The following EEF1AKMT1 variants were observed in gnomAD, a reference collection of about 807,000 sequenced individuals.
EEF1AKMT1 encodes N-6 adenine-specific DNA methyltransferase 2 (putative).
EEF1AKMT1 carries 18 observed loss-of-function variants against 21.0 expected under a neutral mutation model. That is an observed-to-expected ratio of 0.86 (90% CI 0.59 to 1.27). EEF1AKMT1 has a LOEUF of 1.27. Ranked by LOEUF, EEF1AKMT1 falls within the 50% of genes most tolerant of loss-of-function variation. The pLI, the probability that EEF1AKMT1 is intolerant of heterozygous loss-of-function variation, is 0.00. For synonymous variants in EEF1AKMT1, 109 were observed against 94.8 expected (o/e 1.15, Z -0.87); for missense variants, 246 against 258.6 (o/e 0.95, Z 0.33).
intron 1 of EEF1AKMT1, among the ~76,000 whole-genome samples, chr13:20,766,298 CAAA>C (rs35866979): frequency 2.6e-5 from 2 of 76,748 alleles, no homozygotes; most frequent in Non-Finnish European, 2.3e-5. Flanking sequence ...GACTCCATCT[CAAA>C]AAAAAAAAAA....
At chr13:20,737,695 T>C (rs759110701) in intron 3 of EEF1AKMT1, 28 bp downstream of exon 3, 8 of 1,584,256 alleles carry the variant, frequency 5.0e-6, no homozygotes, top group Admixed American at 3.4e-5. Flanking sequence ...TTACATTAGA[T>C]GCCAAAAAGA....
rs188564045 is a variant in EEF1AKMT1 at position 20,743,789 on chromosome 13, G to A, written c.145-5984C>T. 2.3e-4 allele frequency among the ~76,000 whole-genome samples: 35 copies of A among 151,816 alleles called. No homozygotes were observed. The East Asian group carries it at 4.5e-3, about 19-fold the overall frequency. On this transcript the variant is annotated intron_variant, in intron 2 of 4. Transcript: ENST00000382758. ...GGGCACTAATCAACCCATCATGTAG[G>A]TTTTAAGCCCCACATGCATGAGGTA...
At chr13:20,744,999 A>G (rs897730029) in intron 2 of EEF1AKMT1, among the ~76,000 whole-genome samples, 1 of 152,050 alleles carries the variant, frequency 6.6e-6, no homozygotes, top group Non-Finnish European at 1.5e-5. Context: ...GGTTGTAGAT[A>G]TGTGGTGTTA....
intron 2 of EEF1AKMT1, among the ~76,000 whole-genome samples, chr13:20,741,306 T>C (rs906771125): frequency 6.6e-6 from 1 of 152,012 alleles, no homozygotes; most frequent in Admixed American, 6.6e-5. Flanking sequence ...CAGACTCTCA[T>C]CTTTGCTCCA....
intron 4 of EEF1AKMT1, among the ~76,000 whole-genome samples, chr13:20,730,962 G>T (rs2058790793): frequency 6.6e-6 from 1 of 152,282 alleles, no homozygotes; most frequent in East Asian, 1.9e-4. Context: ...TACCGCAAGG[G>T]TCTGCCGCTT....
intron 1 of EEF1AKMT1, among the ~76,000 whole-genome samples, chr13:20,768,405 T>C (rs2059047311): frequency 6.6e-6 from 1 of 152,126 alleles, no homozygotes; most frequent in Admixed American, 6.5e-5. Flanking sequence ...AATTATGAGG[T>C]TTTCCAGTCC....
At chr13:20,737,268 G>A (rs985612341) in intron 3 of EEF1AKMT1, among the ~76,000 whole-genome samples, 3 of 152,062 alleles carry the variant, frequency 2.0e-5, no homozygotes, top group Non-Finnish European at 4.4e-5. Flanking sequence ...GGAGGCTGAG[G>A]CAAGAGAATT....
intron 2 of EEF1AKMT1, among the ~76,000 whole-genome samples, chr13:20,753,667 GA>G (rs1458158590): frequency 6.6e-6 from 1 of 152,098 alleles, no homozygotes; most frequent in East Asian, 1.9e-4. Flanking sequence ...ATCATTATAT[GA>G]TAACCTTGTT....
chr13:20,767,278 C>T (rs1305122330), intron 1 of EEF1AKMT1, among the ~76,000 whole-genome samples: 2 of 142,038 alleles, frequency 1.4e-5, no homozygotes, highest in Non-Finnish European at 3.0e-5. Context: ...TGCACTCCTG[C>T]CTGGGCGACA....
chr13:20,746,869 G>T (rs964226953), intron 2 of EEF1AKMT1, among the ~76,000 whole-genome samples: 1 of 152,162 alleles, frequency 6.6e-6, no homozygotes, highest in Non-Finnish European at 1.5e-5. Context: ...ACTCAAGAAG[G>T]AATCAACTGC....
intron 4 of EEF1AKMT1, among the ~76,000 whole-genome samples, chr13:20,730,290 G>C (rs758737670): frequency 6.6e-6 from 1 of 152,186 alleles, no homozygotes; most frequent in Non-Finnish European, 1.5e-5. Flanking sequence ...GCATCTGTGC[G>C]AACAGAGCGC....
rs536464631 is a variant in EEF1AKMT1 at position 20,741,819 on chromosome 13, G to A, written c.145-4014C>T. Among the ~76,000 whole-genome samples, 26 of 152,198 alleles carry A rather than the reference G, an allele frequency of 1.7e-4. No individual in the cohort carries two copies. In the East Asian group the frequency reaches 5.0e-3, roughly 29 times the overall value. On this transcript the variant is annotated intron_variant, in intron 2 of 4. Transcript: ENST00000382758. ...GAAAGAGAAAAGTGATCATTCATAT[G>A]ACCAGTCTACCATCTTGAGTCAGAA...
chr13:20,761,181 G>A (rs573701641), intron 1 of EEF1AKMT1, among the ~76,000 whole-genome samples: 93 of 151,946 alleles, frequency 6.1e-4, no homozygotes, highest in Non-Finnish European at 1.1e-3. Context: ...ATGGATAAGA[G>A]ACAGAATATT....
intron 2 of EEF1AKMT1, among the ~76,000 whole-genome samples, chr13:20,754,263 TTTTTTTTTC>T (rs1219974492): frequency 3.0e-4 from 16 of 52,540 alleles, no homozygotes; most frequent in East Asian, 0.2. Context: ...TTGTTGGCAG[TTTTTTTTTC>T]TTTTTTTTTC....
intron 4 of EEF1AKMT1, among the ~76,000 whole-genome samples, chr13:20,731,164 AC>A (rs1335745046): frequency 7.1e-6 from 1 of 140,552 alleles, no homozygotes; most frequent in East Asian, 2.0e-4. Flanking sequence ...GGCCCATGCA[AC>A]CACACCTGGC....
At chr13:20,741,743 C>T (rs143218722) in intron 2 of EEF1AKMT1, among the ~76,000 whole-genome samples, 2,681 of 152,082 alleles carry the variant, frequency 0.018, 70 homozygotes, top group Non-Finnish European at 0.022. Context: ...GGTGAGCCAC[C>T]GCGCCCAGCC....
At chr13:20,753,689 G>GT (rs964048119) in intron 2 of EEF1AKMT1, among the ~76,000 whole-genome samples, 13 of 152,010 alleles carry the variant, frequency 8.6e-5, no homozygotes, top group African/African-American at 2.4e-4. Flanking sequence ...TCTTTGTACT[G>GT]TTTTTTTACT....
At chr13:20,755,421 C>T (rs1181332199) in intron 2 of EEF1AKMT1, among the ~76,000 whole-genome samples, 1 of 152,224 alleles carries the variant, frequency 6.6e-6, no homozygotes, top group Non-Finnish European at 1.5e-5. Context: ...ATGTTTGCCT[C>T]AGGGCCTTCA....
chr13:20,751,791 T>C (rs2058942367), intron 2 of EEF1AKMT1, among the ~76,000 whole-genome samples: 1 of 152,226 alleles, frequency 6.6e-6, no homozygotes, highest in Admixed American at 6.5e-5. Context: ...GCACGGGATG[T>C]CTTTCCATTT....
Sources: gnomAD v4.1 joint callset for allele counts (sites outside exome capture counted in the v4.1 genomes callset) on GRCh38, gnomAD v4.1.1 for gene constraint, MANE v1.5 for transcripts, NCBI Gene and HGNC (gene_info 2026-07-23, HGNC 2026-07-21) for gene names.